The following NRCAM variants were observed in gnomAD, a reference collection of about 807,000 sequenced individuals.
The protein encoded by NRCAM is neuronal cell adhesion molecule, also known as NgCAM-related cell adhesion molecule.
Under a neutral mutation model 156.5 loss-of-function variants are expected in NRCAM, and 83 were observed. That is an observed-to-expected ratio of 0.53 (90% confidence interval 0.44 to 0.64). NRCAM has a LOEUF of 0.64. Among genes scored for constraint, NRCAM ranks in the 30% least tolerant of loss-of-function variants. NRCAM has a pLI of 0.00. For synonymous variants in NRCAM, 538 were observed against 563.9 expected, an observed-to-expected ratio of 0.95 and a Z score of 0.65; for missense variants, 1,417 against 1,597.3, an observed-to-expected ratio of 0.89 and a Z score of 1.92.
At chr7:108,338,647 G>T (rs7807783) in intron 2 of NRCAM, among the ~76,000 whole-genome samples, 37,555 of 151,602 alleles carry the variant, frequency 0.25, 5,123 homozygotes, top group Non-Finnish European at 0.3. Context: ...ACACAGAGAG[G>T]AGAAAGAGGC....
intron 13 of NRCAM, among the ~76,000 whole-genome samples, chr7:108,201,150 GAAAC>G (rs1159352605): frequency 3.0e-5 from 4 of 132,530 alleles, no homozygotes; most frequent in Non-Finnish European, 6.5e-5. Flanking sequence ...ATAAAGTAGA[GAAAC>G]AAACTAAATT....
chr7:108,354,261 C>G (rs1170334877), intron 2 of NRCAM, among the ~76,000 whole-genome samples: 1 of 152,116 alleles, frequency 6.6e-6, no homozygotes, highest in African/African-American at 2.4e-5. Context: ...TAAAGGGGAA[C>G]AACTACATGC....
intron 5 of NRCAM, 52 bp from the exon 6 acceptor site, chr7:108,234,740 ATAG>A (rs753996131): frequency 2.4e-5 from 29 of 1,233,816 alleles, no homozygotes; most frequent in Non-Finnish European, 3.3e-5. Context: ...TAAAATCATA[ATAG>A]TAGCCATTTT....
chr7:108,291,394 C>A (rs189557140), intron 3 of NRCAM, among the ~76,000 whole-genome samples: 1 of 152,204 alleles, frequency 6.6e-6, no homozygotes, highest in East Asian at 1.9e-4. Flanking sequence ...GGTCATATGC[C>A]TGATGCTATA....
At chr7:108,222,280 T>C (rs907543797) in intron 11 of NRCAM, among the ~76,000 whole-genome samples, 1 of 152,222 alleles carries the variant, frequency 6.6e-6, no homozygotes, top group Non-Finnish European at 1.5e-5. Flanking sequence ...TTGTCAGGAA[T>C]TGGAAATATT....
At position 108,368,551 on chromosome 7, in the gene NRCAM, C is replaced by A. The variant is rs116031463; in HGVS notation, c.-174+30885G>T. ...ATTTATGTGTATGTTTGGTTTGTAACAACAGCAGCCCAATAAATGTGACGA... is the reference window on the plus strand; with the variant it reads ...ATTTATGTGTATGTTTGGTTTGTAAAAACAGCAGCCCAATAAATGTGACGA... On this transcript the variant is annotated intron_variant, in intron 2 of 32. Transcript: ENST00000379028. Among the ~76,000 whole-genome samples, 1,101 of 152,170 alleles carry A rather than the reference C, an allele frequency of 7.2e-3. 16 individuals are homozygous for A. Among genetic ancestry groups the A allele is most frequent in the African/African-American group, 0.026 (1,063 of 41,522 alleles).
chr7:108,268,636 T>TGGGGGGGGGGAGGGGGGG (rs1300340254), intron 3 of NRCAM, among the ~76,000 whole-genome samples: 1 of 8,492 alleles, frequency 1.2e-4, no homozygotes, highest in Non-Finnish European at 2.2e-4. Context: ...GGGGGGGGGT[T>TGGGGGGGGGGAGGGGGGG]GGGGGGGGCG....
chr7:108,304,325 T>A (rs2098681828), intron 3 of NRCAM, among the ~76,000 whole-genome samples: 1 of 152,122 alleles, frequency 6.6e-6, no homozygotes, highest in South Asian at 2.1e-4. Flanking sequence ...TCACCACTCT[T>A]TTGAACTCCT....
At chr7:108,442,257 C>CA (rs1839411852) in intron 1 of NRCAM, among the ~76,000 whole-genome samples, 1 of 152,128 alleles carries the variant, frequency 6.6e-6, no homozygotes, top group African/African-American at 2.4e-5. Flanking sequence ...CAGCAGCTGC[C>CA]ACGAGTCATC....
intron 32 of NRCAM, among the ~76,000 whole-genome samples, chr7:108,154,618 CTTTCCAGGAAAAGCCA>C (rs1434875282): frequency 6.6e-6 from 1 of 152,174 alleles, no homozygotes; most frequent in African/African-American, 2.4e-5. Context: ...CCAACAGAGT[CTTTCCAGGAAAAGCCA>C]TTCAAAGGCA....
At chr7:108,426,702 T>C (rs1301272552) in intron 1 of NRCAM, among the ~76,000 whole-genome samples, 1 of 152,322 alleles carries the variant, frequency 6.6e-6, no homozygotes, top group African/African-American at 2.4e-5. Context: ...AAGCAAAACA[T>C]GTAATTATCT....
intron 13 of NRCAM, among the ~76,000 whole-genome samples, chr7:108,206,941 G>A (rs2081471154): frequency 6.6e-6 from 1 of 152,164 alleles, no homozygotes. Context: ...GATAGCAGCA[G>A]CTCTCAGGGA....
At chr7:108,191,135 C>G in intron 19 of NRCAM, 119 bp downstream of exon 19, 2 of 745,172 alleles carry the variant, frequency 2.7e-6, no homozygotes, top group Non-Finnish European at 4.3e-6. Context: ...TAACAACTGA[C>G]AGAGACCTTT....
chr7:108,371,919 C>T (rs965634603), intron 2 of NRCAM, among the ~76,000 whole-genome samples: 1 of 152,044 alleles, frequency 6.6e-6, no homozygotes, highest in Non-Finnish European at 1.5e-5. Flanking sequence ...CCAAATCAAT[C>T]TTGAGAAAGA....
chr7:108,409,484 T>C (rs1283416068), intron 1 of NRCAM, among the ~76,000 whole-genome samples: 1 of 152,158 alleles, frequency 6.6e-6, no homozygotes, highest in Non-Finnish European at 1.5e-5. Flanking sequence ...CTCCAGAGCC[T>C]CTTTAGATCT....
At chr7:108,360,789 C>T (rs142006252) in intron 2 of NRCAM, among the ~76,000 whole-genome samples, 12 of 152,238 alleles carry the variant, frequency 7.9e-5, no homozygotes, top group African/African-American at 2.9e-4. Context: ...TGGAAACCTG[C>T]ATTGCAAAAG....
At chr7:108,221,612 A>G (rs2092310378) in intron 11 of NRCAM, among the ~76,000 whole-genome samples, 1 of 152,200 alleles carries the variant, frequency 6.6e-6, no homozygotes, top group South Asian at 2.1e-4. Context: ...GGAAAACCAA[A>G]CACTGTATGT....
chr7:108,327,398 T>C (rs1376421464), intron 2 of NRCAM, among the ~76,000 whole-genome samples: 5 of 152,182 alleles, frequency 3.3e-5, no homozygotes, highest in African/African-American at 1.2e-4. Context: ...TTTGTTACTG[T>C]TCATCAAAAA....
intron 32 of NRCAM, among the ~76,000 whole-genome samples, chr7:108,150,537 C>G (rs1198876883): frequency 1.3e-5 from 2 of 152,148 alleles, no homozygotes; most frequent in African/African-American, 4.8e-5. Flanking sequence ...GTATGTTAAA[C>G]TGCATAATAT....
Sources: allele counts gnomAD v4.1 joint callset (sites outside exome capture counted in the v4.1 genomes callset), GRCh38; gene constraint gnomAD v4.1.1; transcripts MANE v1.5; gene names NCBI Gene and HGNC (gene_info 2026-07-23, HGNC 2026-07-21).